DNAAF9: variants seen among roughly 807,000 people sequenced by gnomAD.
The protein encoded by DNAAF9 is shulin.
DNAAF9 carries 90 observed loss-of-function variants against 167.0 expected under a neutral mutation model. The observed-to-expected ratio is 0.54, with a 90% CI of 0.45 to 0.64. The LOEUF is 0.64. DNAAF9 is among the 30% of genes least tolerant of loss of function. The pLI, the probability that DNAAF9 is intolerant of heterozygous loss-of-function variation, is 0.00. For synonymous variants in DNAAF9, 491 were observed against 508.8 expected (o/e 0.96, Z 0.47); for missense variants, 1,315 against 1,442.2 (o/e 0.91, Z 1.43).
rs2070368144 is a variant in DNAAF9, at chr20:3,353,579, G to A, written c.691-4956C>T. ...GGAGGCAGAGGTTGCAGTGAGCCGA[G>A]ATAGCACCACTGCACTCCAGCCTGG... is the stretch of plus-strand genomic sequence containing the variant. On this transcript the variant is annotated intron_variant, in intron 7 of 36. Transcript: ENST00000252032. Among the ~76,000 whole-genome samples, 5 of 150,598 alleles carry A rather than the reference G, an allele frequency of 3.3e-5. 1 individual carries two copies. The South Asian group carries it at 1.1e-3, about 32-fold the overall frequency.
chr20:3,292,827 G>A (rs1007156767), intron 25 of DNAAF9, among the ~76,000 whole-genome samples: 2 of 151,876 alleles, frequency 1.3e-5, no homozygotes, highest in African/African-American at 2.4e-5. Context: ...AGCACTTTGG[G>A]AGGCTGAGGC....
chr20:3,404,237 T>C (rs2123316695), intron 1 of DNAAF9, among the ~76,000 whole-genome samples: 1 of 152,340 alleles, frequency 6.6e-6, no homozygotes. Flanking sequence ...GGTTTCACCA[T>C]GTTGGTCAGG....
At chr20:3,331,446 C>T (rs1243832252) in intron 11 of DNAAF9, among the ~76,000 whole-genome samples, 2 of 152,128 alleles carry the variant, frequency 1.3e-5, no homozygotes, top group South Asian at 2.1e-4. Flanking sequence ...CTGAGACCTG[C>T]GTTCATTCCA....
chr20:3,270,366 CACAG>C lies in DNAAF9; in HGVS notation c.2786+57_2786+60del, dbSNP rs2068571843. 3.7e-5 allele frequency: 55 copies of C among 1,488,238 alleles called. No homozygotes were observed. The South Asian group carries it at 5.4e-4, about 15-fold the overall frequency. 92.2% of individuals were successfully genotyped at this position (1,488,238 alleles called of 1,614,324 possible). A position where few individuals can be genotyped will look rare whatever the true frequency, so the allele number is the denominator to read the frequency against. ...GATACAGTAGAAAGACTCTGTGGGC[CACAG>C]ACAGAGTGCTGTATCTGAGAAAGCA... is the stretch of plus-strand genomic sequence containing the variant. On this transcript the variant is annotated intron_variant, in intron 30 of 36. Transcript: ENST00000252032.
At chr20:3,375,162 T>C (rs2083559160) in intron 4 of DNAAF9, 36 bp from the exon 5 acceptor site, 10 of 1,206,594 alleles carry the variant, frequency 8.3e-6, no homozygotes, top group African/African-American at 1.5e-5. Context: ...TAAGCTCTGA[T>C]GAGATATCAC....
chr20:3,272,990 C>T (rs1183369311), intron 29 of DNAAF9, among the ~76,000 whole-genome samples: 5 of 151,986 alleles, frequency 3.3e-5, no homozygotes, highest in African/African-American at 1.2e-4. Flanking sequence ...ACCATCATGC[C>T]GGGCTAATTT....
chr20:3,294,872 CCTT>C (rs2122937501), intron 23 of DNAAF9, among the ~76,000 whole-genome samples: 1 of 151,990 alleles, frequency 6.6e-6, no homozygotes, highest in East Asian at 1.9e-4. Context: ...TTTCACCTCT[CCTT>C]TTTTTTTTGA....
At chr20:3,320,612 C>T (rs952297278) in intron 16 of DNAAF9, among the ~76,000 whole-genome samples, 12 of 152,124 alleles carry the variant, frequency 7.9e-5, no homozygotes, top group African/African-American at 2.7e-4. Flanking sequence ...AATGATATCA[C>T]AAAAAAGTCT....
chr20:3,398,575 C>T lies in DNAAF9; in HGVS notation c.83+8900G>A, dbSNP rs117117068. On this transcript the variant is annotated intron_variant, in intron 1 of 36. Transcript: ENST00000252032. ...TATGAGAAGGCAAATACAACAAATACATTAAGTATAGAATCTAGGTATGGT... is the reference window on the plus strand; with the variant it reads ...TATGAGAAGGCAAATACAACAAATATATTAAGTATAGAATCTAGGTATGGT... Among the ~76,000 whole-genome samples the T allele has an allele frequency of 4.2e-3, 635 of 152,166 alleles. 1 individual carries two copies. The highest frequency in any genetic ancestry group is 6.8e-3 in the Middle Eastern group (2 of 294).
rs547948607 is a variant in DNAAF9, at chr20:3,257,044, G to A, written c.3056-833C>T. ...ACAAAAAAACCAGTACAGCAGTGTT[G>A]CACGAAGGTCACACAGATGAGAATG... is the stretch of plus-strand genomic sequence containing the variant. On this transcript the variant is annotated intron_variant, in intron 33 of 36. Coordinates refer to ENST00000252032, the MANE Select transcript of DNAAF9 (RefSeq NM_001009984.3). Among the ~76,000 whole-genome samples the A allele has an allele frequency of 4.6e-5, 7 of 152,168 alleles. No homozygotes were observed. The East Asian group carries it at 1.4e-3, about 29-fold the overall frequency.
intron 4 of DNAAF9, among the ~76,000 whole-genome samples, chr20:3,375,391 G>T (rs937639401): frequency 6.6e-6 from 1 of 152,034 alleles, no homozygotes. Context: ...AAAAAATTCC[G>T]CCAAATACTC....
chr20:3,322,696 G>A lies in DNAAF9; in HGVS notation c.1266C>T (p.Arg422=). ...FELIPFKAAL[R]SKMTFHIHAV... ...CATGTATATGAAAAGTCATCTTGGA[G>A]CTGTAGACCAGAAACAAAACAAAAG... is the stretch of plus-strand genomic sequence containing the variant. The change falls in exon 15 of 37, where the codon CGC becomes CGT. Residue 422 remains arginine (R), a splice_region_variant and synonymous_variant. Coordinates refer to ENST00000252032, the MANE Select transcript of DNAAF9 (RefSeq NM_001009984.3). The A allele has an allele frequency of 6.2e-7, 1 of 1,611,586 alleles. No homozygotes were observed. The highest frequency in any genetic ancestry group is 8.5e-7 in the Non-Finnish European group (1 of 1,177,702).
intron 27 of DNAAF9, among the ~76,000 whole-genome samples, chr20:3,285,661 A>C (rs1328877126): frequency 1.4e-5 from 2 of 147,590 alleles, no homozygotes; most frequent in African/African-American, 5.1e-5. Flanking sequence ...CCTGGACGAC[A>C]GAGTGAGACT....
At chr20:3,301,269 C>T (rs1015264665) in intron 21 of DNAAF9, among the ~76,000 whole-genome samples, 6 of 151,138 alleles carry the variant, frequency 4.0e-5, no homozygotes, top group Admixed American at 1.3e-4. Flanking sequence ...CTCACTGAAA[C>T]CTCCGCCTCC....
intron 6 of DNAAF9, among the ~76,000 whole-genome samples, chr20:3,373,574 C>T (rs564835993): frequency 9.9e-5 from 15 of 152,230 alleles, no homozygotes; most frequent in African/African-American, 1.4e-4. Flanking sequence ...TATCCAAATT[C>T]TGCACTGTCC....
At chr20:3,399,241 T>TG (rs1345967756) in intron 1 of DNAAF9, among the ~76,000 whole-genome samples, 1 of 152,096 alleles carries the variant, frequency 6.6e-6, no homozygotes, top group African/African-American at 2.4e-5. Context: ...TTTTTTGAGA[T>TG]GGAGTCTCAC....
intron 1 of DNAAF9, among the ~76,000 whole-genome samples, chr20:3,400,685 T>C (rs1343733577): frequency 6.6e-6 from 1 of 152,182 alleles, no homozygotes; most frequent in African/African-American, 2.4e-5. Context: ...GCTGTGTTAC[T>C]TAAAGGGCAT....
intron 6 of DNAAF9, among the ~76,000 whole-genome samples, chr20:3,366,989 C>T (rs67769245): frequency 0.11 from 16,306 of 152,072 alleles, 1,010 homozygotes; most frequent in East Asian, 0.16. Flanking sequence ...ATGGCATCGT[C>T]TTCTTATACA....
intron 1 of DNAAF9, among the ~76,000 whole-genome samples, chr20:3,390,971 T>G (rs1050139663): frequency 1.8e-4 from 28 of 152,186 alleles, no homozygotes; most frequent in African/African-American, 6.7e-4. Context: ...GTTTTCAAAG[T>G]TACAACCAGC....
Sources: gnomAD v4.1 joint callset for allele counts (sites outside exome capture counted in the v4.1 genomes callset) on GRCh38, gnomAD v4.1.1 for gene constraint, MANE v1.5 for transcripts, NCBI Gene and HGNC (gene_info 2026-07-23, HGNC 2026-07-21) for gene names.